NFIX: variants seen among roughly 807,000 people sequenced by gnomAD.
The protein encoded by NFIX is nuclear factor I X, also known as nuclear factor 1 X-type.
In NFIX, 2 loss-of-function variants were observed where a neutral mutation model predicts 53.3. That is an observed-to-expected ratio of 0.04 (90% CI 0.02 to 0.12). NFIX has a LOEUF of 0.12. Ranked by LOEUF, NFIX falls within the 10% of genes least tolerant of loss-of-function variation. The pLI is 1.00. For missense variants in NFIX, 310 were observed against 674.5 expected, an observed-to-expected ratio of 0.46 and a Z score of 5.99; for synonymous variants, 244 against 289.0, an observed-to-expected ratio of 0.84 and a Z score of 1.58.
chr19:13,043,863 A>G lies in NFIX; in HGVS notation c.559+18311A>G, dbSNP rs959023977. On this transcript the variant is annotated intron_variant, in intron 2 of 10. Transcript: ENST00000592199. The surrounding 1 kb of genome is among the most constrained non-coding windows in gnomAD (Gnocchi z 4.0). ...CGTAGGGCCAGGTGTGGTGGCTCAT[A>G]CCTGTAATTCTAGCACTTTGGGAGG... Among the ~76,000 whole-genome samples, 3 of 152,072 alleles carry G rather than the reference A, an allele frequency of 2.0e-5. No individual in the cohort carries two copies. The highest frequency in any genetic ancestry group is 7.2e-5 in the African/African-American group (3 of 41,394).
Position 13,036,161 on chromosome 19 carries a change from GCCTCTGGAGTCGACTTCC to G in NFIX, c.559+10611_559+10628del, listed in dbSNP as rs2014171601. Among the ~76,000 whole-genome samples the G allele has an allele frequency of 1.3e-5, 2 of 152,316 alleles. No individual in the cohort carries two copies. The highest frequency in any genetic ancestry group is 4.1e-4 in the South Asian group (2 of 4,826). The stretch of plus-strand genomic sequence containing the variant: ...ATCCTGCTTGGCTGCACCTGGCTTG[GCCTCTGGAGTCGACTTCC>G]CAAGTCTCCTAGGAAGGCGAGGGCT... On this transcript the variant is annotated intron_variant, in intron 2 of 10. Transcript: ENST00000592199. This position sits in a 1 kb window ranked among gnomAD's most constrained non-coding sequence, Gnocchi z 4.7.
rs780653279 is a variant in NFIX at position 13,090,409 on chromosome 19, C to T, written c.1494+19C>T. On this transcript the variant is annotated intron_variant, in intron 10 of 10. Coordinates refer to ENST00000592199, the MANE Select transcript of NFIX (RefSeq NM_001365902.3). The surrounding 1 kb of genome is among the most constrained non-coding windows in gnomAD (Gnocchi z 6.6). ...GTCTCAGGTAGGAGACCCTGCCCAC[C>T]ACCTGGATGCAGGGACCAGGGGAGT... is the stretch of plus-strand genomic sequence containing the variant. 1.2e-6 allele frequency: 2 copies of T among 1,603,920 alleles called. No homozygotes were observed. The highest frequency in any genetic ancestry group is 4.5e-5 in the East Asian group (2 of 44,812).
rs904803006 is a variant in NFIX, at chr19:13,049,143, C to T, written c.559+23591C>T. ...TGGCGTGCATTTGTAATCCTAGCTA[C>T]TTGGGAGGCTGAGGCAGGAGGATTG... On this transcript the variant is annotated intron_variant, in intron 2 of 10. Transcript: ENST00000592199. This position sits in a 1 kb window ranked among gnomAD's most constrained non-coding sequence, Gnocchi z 4.5. Among the ~76,000 whole-genome samples, 1 of 151,690 alleles carries T rather than the reference C, an allele frequency of 6.6e-6. No individual in the cohort carries two copies. The highest frequency in any genetic ancestry group is 2.4e-5 in the African/African-American group (1 of 41,266).
rs980264022 is a variant in NFIX, at chr19:13,052,801, C to G, written c.560-20246C>G. ...CCCTGCACCCGTCCACACACACAGA[C>G]CAGAGGAGTGAGGATGATGAGGACA... On this transcript the variant is annotated intron_variant, in intron 2 of 10. Transcript: ENST00000592199. The surrounding 1 kb of genome is among the most constrained non-coding windows in gnomAD (Gnocchi z 5.2). Among the ~76,000 whole-genome samples the G allele has an allele frequency of 2.6e-5, 4 of 152,182 alleles. No individual in the cohort carries two copies. The highest frequency in any genetic ancestry group is 9.7e-5 in the African/African-American group (4 of 41,430).
At position 13,073,312 on chromosome 19, in the gene NFIX, C is replaced by A; in HGVS notation, c.623-110C>A. The A allele has an allele frequency of 9.5e-7, 1 of 1,056,008 alleles. No homozygotes were observed. The highest frequency in any genetic ancestry group is 1.6e-5 in the African/African-American group (1 of 64,056). The allele number at this position is 1,056,008 out of a possible 1,614,324, so 65.4% of individuals were successfully genotyped here. On this transcript the variant is annotated intron_variant, in intron 3 of 10. Coordinates refer to ENST00000592199, the MANE Select transcript of NFIX (RefSeq NM_001365902.3). The surrounding 1 kb of genome is among the most constrained non-coding windows in gnomAD (Gnocchi z 4.5). ...TGTAGACCTGAGGGCTAGCCTGGAG[C>A]TGGAAACGGGACTTGGGAGGGAGAA...
chr19:13,014,865 T>G lies in NFIX; in HGVS notation c.28-10156T>G, dbSNP rs568085095. On this transcript the variant is annotated intron_variant, in intron 1 of 10. Coordinates refer to ENST00000592199, the MANE Select transcript of NFIX (RefSeq NM_001365902.3). This position sits in a 1 kb window ranked among gnomAD's most constrained non-coding sequence, Gnocchi z 4.4. ...GGGCTGCAGAGGTTCGGCTCTGGGC[T>G]GGTGGTAGGGGGCTGGTGGTAGGCG... 6.6e-6 allele frequency among the ~76,000 whole-genome samples: 1 copy of G among 151,826 alleles called. No individual in the cohort carries two copies. Among genetic ancestry groups the G allele is most frequent in the South Asian group, 2.1e-4 (1 of 4,816 alleles).
intron 2 of NFIX, among the ~76,000 whole-genome samples, chr19:13,035,440 G>C (rs939174334): frequency 6.6e-6 from 1 of 152,162 alleles, no homozygotes; most frequent in African/African-American, 2.4e-5. Context: ...ACAGGACAGG[G>C]GATCTGCTAC....
chr19:13,087,896 C>A (rs764284922), intron 8 of NFIX, 93 bp from the exon 9 acceptor site: 1 of 1,447,890 alleles, frequency 6.9e-7, no homozygotes, highest in Admixed American at 2.0e-5. Flanking sequence ...CGGGAGCGCC[C>A]GCTCTCAGGA....
At chr19:13,004,313 A>G (rs1490094340) in intron 1 of NFIX, among the ~76,000 whole-genome samples, 1 of 152,054 alleles carries the variant, frequency 6.6e-6, no homozygotes, top group African/African-American at 2.4e-5. Flanking sequence ...ATACACAGTC[A>G]CACCCAAACA....
At position 13,081,746 on chromosome 19, in the gene NFIX, C is replaced by T; in HGVS notation, c.1145C>T (p.Pro382Leu). The change falls in exon 8 of 11, where the codon CCG becomes CTG. Residue 382 changes from proline (P) to leucine (L), a missense_variant. By Grantham distance (98) the Pro-to-Leu change is moderately conservative (BLOSUM62 -3). This residue lies in a region of NFIX where 35 missense variants were observed against 114.8 expected (regional missense o/e 0.30). Transcript: ENST00000592199. This position sits in a 1 kb window ranked among gnomAD's most constrained non-coding sequence, Gnocchi z 4.7. Reference sequence around the variant, plus strand: ...ACGTCCATCATCCAGCAGTCGAGCCCGTATTTCACGCACCCGACCATCCGC... The same window carrying T: ...ACGTCCATCATCCAGCAGTCGAGCCTGTATTTCACGCACCCGACCATCCGC... ...PSTSIIQQSS[P>L]YFTHPTIRYH... The T allele has an allele frequency of 6.2e-7, 1 of 1,613,970 alleles. No homozygotes were observed. Among genetic ancestry groups the T allele is most frequent in the Non-Finnish European group, 8.5e-7 (1 of 1,179,886 alleles).
At chr19:13,035,082 G>C (rs1671585959) in intron 2 of NFIX, among the ~76,000 whole-genome samples, 1 of 152,182 alleles carries the variant, frequency 6.6e-6, no homozygotes, top group Admixed American at 6.5e-5. Context: ...ATTTCTAAGA[G>C]TTCCCTGGGA....
At chr19:13,053,244 G>A (rs911298249) in intron 2 of NFIX, among the ~76,000 whole-genome samples, 2 of 152,098 alleles carry the variant, frequency 1.3e-5, no homozygotes, top group African/African-American at 4.8e-5. Flanking sequence ...CCCTTTTTCC[G>A]AGTGCTCTGC....
In NFIX at chr19:13,094,768, T is replaced by C; in HGVS notation, c.*119T>C. ...CCCAGCCCCACCGAAAAGCAAAAATTACACGTCGTCAGCCACTCAGCCCTT... is the reference window on the plus strand; with the variant it reads ...CCCAGCCCCACCGAAAAGCAAAAATCACACGTCGTCAGCCACTCAGCCCTT... On this transcript the variant is annotated 3_prime_UTR_variant, in exon 11 of 11. Coordinates refer to ENST00000592199, the MANE Select transcript of NFIX (RefSeq NM_001365902.3). This position sits in a 1 kb window ranked among gnomAD's most constrained non-coding sequence, Gnocchi z 4.3. 9.0e-7 allele frequency: 1 copy of C among 1,111,504 alleles called. No individual in the cohort carries two copies. Among genetic ancestry groups the C allele is most frequent in the South Asian group, 1.4e-5 (1 of 71,418 alleles). The allele number at this position is 1,111,504 out of a possible 1,614,324, so 68.9% of individuals were successfully genotyped here. A position where few individuals can be genotyped will look rare whatever the true frequency, so the allele number is the denominator to read the frequency against.
chr19:13,047,936 A>G (rs931116049), intron 2 of NFIX, among the ~76,000 whole-genome samples: 1 of 152,114 alleles, frequency 6.6e-6, no homozygotes. Context: ...GTAAAGGCTG[A>G]TTTCCCTGGG....
At chr19:13,061,361 GGGCAGCTCCTTCC>G (rs2016076603) in intron 2 of NFIX, among the ~76,000 whole-genome samples, 2 of 152,218 alleles carry the variant, frequency 1.3e-5, no homozygotes, top group Admixed American at 1.3e-4. Context: ...CCGCTGCCAC[GGGCAGCTCCTTCC>G]TTGGTGCATA....
chr19:12,997,817 AG>A (rs1206064554), intron 1 of NFIX, among the ~76,000 whole-genome samples: 1 of 152,194 alleles, frequency 6.6e-6, no homozygotes, highest in Non-Finnish European at 1.5e-5. Flanking sequence ...ATGGCTAGGA[AG>A]GGGCTGGGGC....
intron 2 of NFIX, among the ~76,000 whole-genome samples, chr19:13,032,135 AG>A (rs2013862939): frequency 6.6e-6 from 1 of 151,854 alleles, no homozygotes; most frequent in East Asian, 1.9e-4. Flanking sequence ...GTGGAGGGGG[AG>A]GGGGGCAGGA....
chr19:13,028,086 C>CAGGAA lies in NFIX; in HGVS notation c.559+2534_559+2535insAGGAA, dbSNP rs1039090552. 2.2e-4 allele frequency among the ~76,000 whole-genome samples: 33 copies of CAGGAA among 152,312 alleles called. No individual in the cohort carries two copies. Among genetic ancestry groups the CAGGAA allele is most frequent in the African/African-American group, 7.7e-4 (32 of 41,570 alleles). On this transcript the variant is annotated intron_variant, in intron 2 of 10. Coordinates refer to ENST00000592199, the MANE Select transcript of NFIX (RefSeq NM_001365902.3). This position sits in a 1 kb window ranked among gnomAD's most constrained non-coding sequence, Gnocchi z 4.2. ...GATGGCACAGACCAGGCATGGCTTG[C>CAGGAA]TTCCTCCTTGAGCTGGCAAGAAATA...
chr19:13,004,154 G>A (rs2011881259), intron 1 of NFIX, among the ~76,000 whole-genome samples: 1 of 151,982 alleles, frequency 6.6e-6, no homozygotes, highest in South Asian at 2.1e-4. Context: ...CCCCTACAAT[G>A]GAACCCCTCA....
Sources: allele counts gnomAD v4.1 joint callset (sites outside exome capture counted in the v4.1 genomes callset), GRCh38; gene constraint gnomAD v4.1.1; regional missense constraint gnomAD v4.1.1; non-coding constraint Gnocchi (gnomAD v3.1); transcripts MANE v1.5; gene names NCBI Gene and HGNC (gene_info 2026-07-23, HGNC 2026-07-21).